ZNF599: variants seen among roughly 807,000 people sequenced by gnomAD.
The protein encoded by ZNF599 is zinc finger protein 599.
In ZNF599, 10 loss-of-function variants were observed where a neutral mutation model predicts 11.7. That is an observed-to-expected ratio of 0.86 (90% CI 0.53 to 1.45). The LOEUF (loss-of-function observed/expected upper bound fraction) is 1.45, where lower values mean the gene tolerates loss of function less well. Among genes scored for constraint, ZNF599 ranks in the 40% most tolerant of loss-of-function variants. The pLI, the probability that ZNF599 is intolerant of heterozygous loss-of-function variation, is 0.00. For missense variants in ZNF599, 688 were observed against 713.6 expected (o/e 0.96, Z 0.41); for synonymous variants, 232 against 253.2 (o/e 0.92, Z 0.79).
In ZNF599 at chr19:34,760,413, T is replaced by A. The variant is rs2069105294; in HGVS notation, c.388A>T (p.Ile130Phe). ...QARDEEKLIK[I>F]QEGNLRPGTN... The stretch of plus-strand genomic sequence containing the variant: ...CCTGGCCTCAAGTTCCCTTCCTGAA[T>A]TTTTATTAGCTTTTCCTCATCTCTA... The change falls in exon 4 of 4, where the codon ATT becomes TTT. Residue 130 changes from isoleucine to phenylalanine, a missense_variant. Physicochemically the swap from Ile to Phe is conservative, Grantham distance 21 (BLOSUM62 0). Coordinates refer to ENST00000329285, the MANE Select transcript of ZNF599 (RefSeq NM_001007248.3). 6.2e-7 allele frequency: 1 copy of A among 1,614,046 alleles called. No homozygotes were observed. Among genetic ancestry groups the A allele is most frequent in the South Asian group, 1.1e-5 (1 of 91,088 alleles).
At chr19:34,795,652 T>G in the ZNF599 span, among the ~76,000 whole-genome samples, 1 of 152,170 alleles carries the variant, frequency 6.6e-6, no homozygotes, top group Admixed American at 6.5e-5. Context: ...TATGACTTAC[T>G]ACCACACATA....
upstream of ZNF599, among the ~76,000 whole-genome samples, chr19:34,775,061 C>A (rs1033405712): frequency 3.3e-5 from 5 of 152,204 alleles, no homozygotes; most frequent in African/African-American, 1.2e-4. Flanking sequence ...CTTTGCCTTG[C>A]ACCATGATTG....
the ZNF599 span, among the ~76,000 whole-genome samples, chr19:34,791,353 T>C: frequency 6.6e-6 from 1 of 152,204 alleles, no homozygotes; most frequent in Non-Finnish European, 1.5e-5. Flanking sequence ...ATGTTGACAA[T>C]AGAATGTTTC....
chr19:34,800,163 C>T, the ZNF599 span, among the ~76,000 whole-genome samples: 2 of 152,044 alleles, frequency 1.3e-5, no homozygotes, highest in Admixed American at 1.3e-4. Flanking sequence ...AAGTTGTTCA[C>T]CTCACATATT....
chr19:34,790,503 ATAAGT>A, the ZNF599 span, among the ~76,000 whole-genome samples: 4 of 152,226 alleles, frequency 2.6e-5, no homozygotes, highest in Non-Finnish European at 4.4e-5. Flanking sequence ...ACCAATTGAA[ATAAGT>A]TAAGCACAGA....
Position 34,759,835 on chromosome 19 carries a change from G to A in ZNF599, c.966C>T (p.Tyr322=). Residue 322 remains tyrosine, a synonymous_variant, in exon 4 of 4, where the codon TAC becomes TAT. Coordinates refer to ENST00000329285, the MANE Select transcript of ZNF599 (RefSeq NM_001007248.3). ...TCATATGTTGAGCAAATGAGGAGCT[G>A]TAGTAAAAAGCTTTCCCACATTCTT... ...LCKECGKAFY[Y]SSSFAQHMRI... 1 of 1,614,206 alleles carries A rather than the reference G, an allele frequency of 6.2e-7. No homozygotes were observed. Among genetic ancestry groups the A allele is most frequent in the Non-Finnish European group, 8.5e-7 (1 of 1,180,046 alleles).
rs1309640289 is a variant in ZNF599, at chr19:34,767,305, C to T, written c.241+11G>A. 1.2e-6 allele frequency: 2 copies of T among 1,612,534 alleles called. No homozygotes were observed. The highest frequency in any genetic ancestry group is 1.7e-6 in the Non-Finnish European group (2 of 1,178,634). On this transcript the variant is annotated intron_variant, in intron 3 of 3. Coordinates refer to ENST00000329285, the MANE Select transcript of ZNF599 (RefSeq NM_001007248.3). ...GCCCTGATACCCGCTGCCAGACTCT[C>T]AGTCACCAACCTGCGCAGGTGCTTT...
the ZNF599 span, among the ~76,000 whole-genome samples, chr19:34,790,773 A>G: frequency 2.6e-5 from 4 of 152,354 alleles, no homozygotes; most frequent in East Asian, 7.7e-4. Flanking sequence ...ACAAAAATTT[A>G]TATTATATAT....
the ZNF599 span, among the ~76,000 whole-genome samples, chr19:34,785,918 A>C: frequency 6.6e-6 from 1 of 152,164 alleles, no homozygotes; most frequent in African/African-American, 2.4e-5. Flanking sequence ...GGGTGCTCCA[A>C]CTTGGGTGCT....
At chr19:34,767,265 G>T in intron 3 of ZNF599, 51 bp downstream of exon 3, 1 of 1,419,044 alleles carries the variant, frequency 7.0e-7, no homozygotes, top group South Asian at 1.2e-5. Flanking sequence ...GTGATGCCTG[G>T]GTGGTCTGCA....
chr19:34,777,446 TTAATTAATATA>T (rs1356597769), upstream of ZNF599, among the ~76,000 whole-genome samples: 1 of 97,232 alleles, frequency 1.0e-5, no homozygotes, highest in Non-Finnish European at 1.9e-5. Context: ...ATGATATATA[TTAATTAATATA>T]TAATATATTA....
At chr19:34,782,392 T>G in the ZNF599 span, among the ~76,000 whole-genome samples, 1 of 152,364 alleles carries the variant, frequency 6.6e-6, no homozygotes, top group Admixed American at 6.5e-5. Context: ...CTGTAATTCC[T>G]GGCACAGCCA....
chr19:34,763,300 G>A (rs964464929), intron 3 of ZNF599: 10 of 152,218 alleles, frequency 6.6e-5, no homozygotes, highest in African/African-American at 2.2e-4. Context: ...ATTGACTAAT[G>A]ATGACAATGT....
the ZNF599 span, among the ~76,000 whole-genome samples, chr19:34,787,023 C>T: frequency 6.6e-6 from 1 of 152,124 alleles, no homozygotes; most frequent in Non-Finnish European, 1.5e-5. Flanking sequence ...CCACCAAAAC[C>T]TAGTGAATCA....
the ZNF599 span, among the ~76,000 whole-genome samples, chr19:34,802,582 G>C: frequency 6.6e-6 from 1 of 152,206 alleles, no homozygotes; most frequent in Non-Finnish European, 1.5e-5. Context: ...GTGCAATACA[G>C]AGAGTTGGGG....
the ZNF599 span, chr19:34,779,322 A>C: frequency 4.5e-6 from 1 of 221,652 alleles, no homozygotes; most frequent in Non-Finnish European, 9.0e-6. Context: ...GCTGGTCTCA[A>C]ACTTCCAACC....
upstream of ZNF599, among the ~76,000 whole-genome samples, chr19:34,777,318 C>CTATATTATATATTATATATTAA (rs539371607): frequency 4.7e-4 from 38 of 80,864 alleles, no homozygotes; most frequent in African/African-American, 1.4e-3. Context: ...GTATATTTAT[C>CTATATTATATATTATATATTAA]TATATTATAT....
In ZNF599 at chr19:34,759,758, A is replaced by C. The variant is rs1486972411; in HGVS notation, c.1043T>G (p.Phe348Cys). The C allele has an allele frequency of 6.2e-7, 1 of 1,614,052 alleles. No homozygotes were observed. The highest frequency in any genetic ancestry group is 1.3e-5 in the African/African-American group (1 of 74,932). ...CTGGATAAATGTGGAGCGGTGCGTG[A>C]AGGCCTTTCCACATTCACCGCACTC... ...LYECGECGKA[F>C]THRSTFIQHN... Residue 348 changes from phenylalanine to cysteine, a missense_variant, in exon 4 of 4, where the codon TTC (phenylalanine) becomes TGC (cysteine). Transcript: ENST00000329285.
chr19:34,763,517 G>A (rs1184269406), intron 3 of ZNF599: 1 of 152,170 alleles, frequency 6.6e-6, no homozygotes, highest in Non-Finnish European at 1.5e-5. Context: ...CTGAGGGAAG[G>A]CCATGTGAGC....
Sources: allele counts gnomAD v4.1 joint callset (sites outside exome capture counted in the v4.1 genomes callset), GRCh38; gene constraint gnomAD v4.1.1; transcripts MANE v1.5; gene names NCBI Gene and HGNC (gene_info 2026-07-23, HGNC 2026-07-21).